The following TLL2 variants were observed in gnomAD, a reference collection of about 807,000 sequenced individuals.
TLL2 encodes tolloid like 2.
A neutral mutation model predicts 123.0 loss-of-function variants in TLL2; 106 were observed. The ratio of observed to expected loss-of-function variants is 0.86; its 90% CI spans 0.74 to 1.01. The LOEUF is 1.01. Among genes scored for constraint, TLL2 ranks in the 50% least tolerant of loss-of-function variants. TLL2 has a pLI of 0.00. For synonymous variants in TLL2, 494 were observed against 516.8 expected, an observed-to-expected ratio of 0.96 and a Z score of 0.60; for missense variants, 1,332 against 1,336.7, an observed-to-expected ratio of 1.00 and a Z score of 0.06.
At chr10:96,476,651 G>GA (rs558028002) in intron 2 of TLL2, among the ~76,000 whole-genome samples, 2 of 151,166 alleles carry the variant, frequency 1.3e-5, no homozygotes, top group African/African-American at 2.4e-5. Context: ...AAAAAATACA[G>GA]AAAAAAAATG....
intron 7 of TLL2, 35 bp from the exon 8 acceptor site, chr10:96,413,351 C>T (rs1288718858): frequency 1.2e-6 from 2 of 1,604,398 alleles, no homozygotes; most frequent in South Asian, 2.2e-5. Context: ...AAAGAAAAGT[C>T]AAGGCCATCA....
chr10:96,513,363 C>A, intron 1 of TLL2, 148 bp downstream of exon 1: 3 of 1,029,136 alleles, frequency 2.9e-6, no homozygotes, highest in Non-Finnish European at 4.2e-6. Context: ...TAAGCAATTC[C>A]TCGGAGGCAT....
chr10:96,411,257 C>CAAAAAAAAA (rs56011735), intron 8 of TLL2, among the ~76,000 whole-genome samples: 2 of 95,172 alleles, frequency 2.1e-5, no homozygotes, highest in African/African-American at 4.4e-5. Context: ...GACTCTGTCT[C>CAAAAAAAAA]AAAAAAAAAA....
chr10:96,391,157 C>G (rs111779769), intron 13 of TLL2, among the ~76,000 whole-genome samples: 5,883 of 152,210 alleles, frequency 0.039, 191 homozygotes, highest in African/African-American at 0.086. Context: ...GGAGGCAGAG[C>G]AGGCAGCAGG....
At chr10:96,385,852 C>G (rs1846229046) in intron 15 of TLL2, among the ~76,000 whole-genome samples, 1 of 152,182 alleles carries the variant, frequency 6.6e-6, no homozygotes, top group Admixed American at 6.5e-5. Flanking sequence ...GACAAGAGGG[C>G]CGGAGGTGCT....
chr10:96,395,839 C>T (rs1202606716), intron 12 of TLL2, 36 bp downstream of exon 12: 12 of 1,606,458 alleles, frequency 7.5e-6, no homozygotes, highest in Non-Finnish European at 1.0e-5. Flanking sequence ...GCAAAAGTTG[C>T]CGTTTCCTTG....
At chr10:96,456,989 G>A (rs1402060779) in intron 2 of TLL2, among the ~76,000 whole-genome samples, 2 of 152,212 alleles carry the variant, frequency 1.3e-5, no homozygotes, top group Non-Finnish European at 2.9e-5. Flanking sequence ...GTCCAATTTG[G>A]TAGCACAGCT....
intron 1 of TLL2, among the ~76,000 whole-genome samples, chr10:96,500,144 C>CAAA (rs57153896): frequency 7.5e-5 from 9 of 120,794 alleles, no homozygotes; most frequent in East Asian, 2.5e-4. Context: ...AAATCTCTAC[C>CAAA]AAAAAAAAAA....
chr10:96,499,832 CA>C (rs1352093224), intron 1 of TLL2, among the ~76,000 whole-genome samples: 1 of 151,808 alleles, frequency 6.6e-6, no homozygotes, highest in African/African-American at 2.4e-5. Flanking sequence ...TACAAACAAT[CA>C]AAAACGTATT....
At chr10:96,476,144 G>A (rs745790419) in intron 2 of TLL2, among the ~76,000 whole-genome samples, 19 of 149,746 alleles carry the variant, frequency 1.3e-4, no homozygotes, top group Non-Finnish European at 2.2e-4. Flanking sequence ...AGATTAACTT[G>A]CATCTAAGAA....
intron 7 of TLL2, among the ~76,000 whole-genome samples, chr10:96,416,346 A>T (rs965671244): frequency 2.6e-5 from 4 of 152,266 alleles, no homozygotes; most frequent in African/African-American, 9.6e-5. Context: ...GCACTTACTC[A>T]TCATTCATAG....
At chr10:96,384,477 G>T in intron 16 of TLL2, 110 bp downstream of exon 16, 1 of 1,167,692 alleles carries the variant, frequency 8.6e-7, no homozygotes, top group Non-Finnish European at 1.2e-6. Context: ...TACCTGGAGG[G>T]ATGCAGGAGC....
In TLL2 at chr10:96,368,184, C is replaced by A. The variant is rs2134048320; in HGVS notation, c.2952G>T (p.Met984Ile). Reference protein sequence around the residue: ...EEIYSAGDSLMIRFRTDDTIN... With the variant: ...EEIYSAGDSLIIRFRTDDTIN... Reference sequence around the variant, plus strand: ...TGGTGTCATCTGTGCGGAATCGAATCATCAGGGAATCACCTGCAGAGTAGA... The same window carrying A: ...TGGTGTCATCTGTGCGGAATCGAATAATCAGGGAATCACCTGCAGAGTAGA... The change falls in exon 21 of 21, where the codon ATG becomes ATT. Residue 984 changes from methionine (M) to isoleucine (I), a missense_variant. Transcript: ENST00000357947. The A allele has an allele frequency of 6.2e-7, 1 of 1,614,178 alleles. No homozygotes were observed.
intron 11 of TLL2, 89 bp from the exon 12 acceptor site, chr10:96,396,109 C>T (rs1187382237): frequency 1.1e-5 from 17 of 1,506,084 alleles, no homozygotes; most frequent in Non-Finnish European, 1.5e-5. Context: ...GGGAACAGCG[C>T]TTGCCACCAC....
chr10:96,422,656 A>G lies in TLL2; in HGVS notation c.710T>C (p.Phe237Ser), dbSNP rs766787938. The change falls in exon 6 of 21, where the codon TTT becomes TCT. Residue 237 changes from phenylalanine (F) to serine (S), a missense_variant. Phe to Ser is a radical substitution (Grantham distance 155). Transcript: ENST00000357947. ...AISIGKNCDK[F>S]GIVAHELGHV... ...GCCCAGCTCGTGAGCCACAATGCCA[A>G]ACTTGTCACAGTTCTTCCCAATGGA... 2 of 1,614,092 alleles carry G rather than the reference A, an allele frequency of 1.2e-6. No homozygotes were observed. The highest frequency in any genetic ancestry group is 2.7e-5 in the African/African-American group (2 of 74,930).
chr10:96,385,939 T>C (rs1846230280), intron 15 of TLL2, 116 bp downstream of exon 15: 4 of 1,144,300 alleles, frequency 3.5e-6, no homozygotes, highest in African/African-American at 1.6e-5. Flanking sequence ...GTCCTAAGAC[T>C]GTCCAAAGCT....
At chr10:96,411,016 T>C (rs1589415617) in intron 8 of TLL2, among the ~76,000 whole-genome samples, 1 of 151,340 alleles carries the variant, frequency 6.6e-6, no homozygotes, top group Non-Finnish European at 1.5e-5. Context: ...CCAAGGCGGG[T>C]GGGTCATTTG....
intron 3 of TLL2, among the ~76,000 whole-genome samples, chr10:96,433,618 C>T (rs1846766047): frequency 2.6e-5 from 4 of 152,136 alleles, no homozygotes. Context: ...GTCACTGAAT[C>T]CGCATGCATT....
chr10:96,420,910 C>A, intron 7 of TLL2, 46 bp downstream of exon 7: 1 of 1,573,432 alleles, frequency 6.4e-7, no homozygotes, highest in South Asian at 1.1e-5. Flanking sequence ...CCAAGCCTGC[C>A]GCAGGCACAG....
Sources: gnomAD v4.1 joint callset for allele counts (sites outside exome capture counted in the v4.1 genomes callset) on GRCh38, gnomAD v4.1.1 for gene constraint, MANE v1.5 for transcripts, NCBI Gene and HGNC (gene_info 2026-07-23, HGNC 2026-07-21) for gene names.